Variants in THBS2 observed in about 807,000 individuals in gnomAD.
THBS2 encodes the protein thrombospondin-2.
In THBS2, 47 loss-of-function variants were observed where a neutral mutation model predicts 135.2. The observed-to-expected ratio is 0.35, with a 90% CI of 0.28 to 0.44. THBS2 has a LOEUF of 0.44. Ranked by LOEUF, THBS2 falls within the 20% of genes least tolerant of loss-of-function variation. THBS2 has a pLI of 1.00. For missense variants in THBS2, 1,288 were observed against 1,603.1 expected, an observed-to-expected ratio of 0.80 and a Z score of 3.36; for synonymous variants, 639 against 633.8, an observed-to-expected ratio of 1.01 and a Z score of -0.12.
Position 169,222,430 on chromosome 6 carries a change from A to G in THBS2, c.3040T>C (p.Phe1014Leu). 6.2e-7 allele frequency: 1 copy of G among 1,613,804 alleles called. No homozygotes were observed. Among genetic ancestry groups the G allele is most frequent in the Non-Finnish European group, 8.5e-7 (1 of 1,180,038 alleles). The stretch of plus-strand genomic sequence containing the variant: ...TCGTCCCGGTCAGTGTTTACGTAGA[A>G]TGTGCCACTGAAGTCCACAGACCCA... ...EFGSVDFSGT[F>L]YVNTDRDDDY... The change falls in exon 19 of 22, where the codon TTC (phenylalanine) becomes CTC (leucine). Residue 1014 changes from phenylalanine (F) to leucine (L), a missense_variant. Around this residue, in one of 2 missense-constraint regions of THBS2, gnomAD observed 874 missense variants for 1,156.1 expected, o/e 0.76. Transcript: ENST00000617924.
chr6:169,246,286 A>G lies in THBS2; in HGVS notation c.610-5T>C, dbSNP rs1780553820. 1 of 1,610,896 alleles carries G rather than the reference A, an allele frequency of 6.2e-7. No homozygotes were observed. The highest frequency in any genetic ancestry group is 8.5e-7 in the Non-Finnish European group (1 of 1,177,358). ...GTGGACGTTCTGAAGCAAACCCTGT[A>G]AGTATACACAAGCAGAAAAATAGAG... On this transcript the variant is annotated splice_polypyrimidine_tract_variant and splice_region_variant and intron_variant, in intron 3 of 21. Coordinates refer to ENST00000617924, the MANE Select transcript of THBS2 (RefSeq NM_003247.5).
At chr6:169,217,854 T>TAAAC in intron 21 of THBS2, 25 bp from the exon 22 acceptor site, 1 of 1,604,114 alleles carries the variant, frequency 6.2e-7, no homozygotes, top group South Asian at 1.1e-5. Context: ...AAAAAAGCAA[T>TAAAC]AAACAATTAG....
Position 169,252,858 on chromosome 6 carries a change from C to G in THBS2, c.-23+866G>C, listed in dbSNP as rs1012491789. ...GAATTTGCAAAGGTCTTTTAAAACTCTTTTCGTATGAACAATCAAAGTAAA... is the reference window on the plus strand; with the variant it reads ...GAATTTGCAAAGGTCTTTTAAAACTGTTTTCGTATGAACAATCAAAGTAAA... On this transcript the variant is annotated intron_variant, in intron 1 of 21. Transcript: ENST00000617924. This position sits in a 1 kb window ranked among gnomAD's most constrained non-coding sequence, Gnocchi z 4.3. 1.1e-4 allele frequency among the ~76,000 whole-genome samples: 17 copies of G among 152,222 alleles called. No individual in the cohort carries two copies. Among genetic ancestry groups the G allele is most frequent in the Non-Finnish European group, 2.1e-4 (14 of 68,044 alleles).
At chr6:169,228,341 T>G (rs535176274) in intron 14 of THBS2, 60 bp from the exon 15 acceptor site, 1 of 1,584,330 alleles carries the variant, frequency 6.3e-7, no homozygotes, top group East Asian at 2.3e-5. Flanking sequence ...GTCGGGCCGT[T>G]TAGCACTTAT....
chr6:169,245,131 G>A (rs774589885), intron 4 of THBS2, among the ~76,000 whole-genome samples: 8 of 152,328 alleles, frequency 5.3e-5, no homozygotes, highest in East Asian at 1.9e-4. Context: ...CGGCCACACC[G>A]TGTGGCAGAC....
chr6:169,218,623 A>G (rs1258589525), intron 21 of THBS2, among the ~76,000 whole-genome samples: 2 of 124,894 alleles, frequency 1.6e-5, no homozygotes, highest in African/African-American at 3.1e-5. Context: ...GGATGAATGG[A>G]TGGATGGATG....
intron 13 of THBS2, among the ~76,000 whole-genome samples, chr6:169,230,700 T>A (rs959653116): frequency 6.6e-6 from 1 of 152,210 alleles, no homozygotes; most frequent in African/African-American, 2.4e-5. Flanking sequence ...ATGGAAAGAA[T>A]AATCGGGATA....
chr6:169,237,359 G>A lies in THBS2; in HGVS notation c.1301-13C>T. ...CCGTCCTGCCGGACTAACACAAGAAGCGGAGAGAGATCAGGCTGTGCCGCC... is the reference window on the plus strand; with the variant it reads ...CCGTCCTGCCGGACTAACACAAGAAACGGAGAGAGATCAGGCTGTGCCGCC... On this transcript the variant is annotated splice_polypyrimidine_tract_variant and intron_variant, in intron 8 of 21. Coordinates refer to ENST00000617924, the MANE Select transcript of THBS2 (RefSeq NM_003247.5). 2 of 1,613,020 alleles carry A rather than the reference G, an allele frequency of 1.2e-6. No homozygotes were observed. The highest frequency in any genetic ancestry group is 1.7e-6 in the Non-Finnish European group (2 of 1,180,008).
At chr6:169,245,955 T>G in intron 4 of THBS2, 1 of 366,654 alleles carries the variant, frequency 2.7e-6, no homozygotes, top group Non-Finnish European at 5.0e-6. Flanking sequence ...TATAATAAAA[T>G]TATTTGGATG....
chr6:169,250,944 A>C, intron 1 of THBS2, 138 bp from the exon 2 acceptor site: 1 of 514,832 alleles, frequency 1.9e-6, no homozygotes, highest in Non-Finnish European at 3.4e-6. Flanking sequence ...ATTTGTGGCA[A>C]ACTGAGAGCG....
At chr6:169,242,651 A>ACTG (rs1780364772) in intron 4 of THBS2, among the ~76,000 whole-genome samples, 6 of 7,232 alleles carry the variant, frequency 8.3e-4, no homozygotes, top group African/African-American at 1.7e-3. Context: ...CCTTCCCACC[A>ACTG]CTCCCACCTT....
At chr6:169,246,084 C>G in intron 4 of THBS2, 113 bp downstream of exon 4, 1 of 815,652 alleles carries the variant, frequency 1.2e-6, no homozygotes. Flanking sequence ...AATATTTTTA[C>G]TTAAATTTTT....
In THBS2 at chr6:169,248,407, C is replaced by G; in HGVS notation, c.609+10G>C. The stretch of plus-strand genomic sequence containing the variant: ...CTCCCTCACGGCGGCCACCTCCCTG[C>G]AGAGCGTACCCTGAAGTGACTCTCT... On this transcript the variant is annotated intron_variant, in intron 3 of 21. Transcript: ENST00000617924. 1 of 1,592,436 alleles carries G rather than the reference C, an allele frequency of 6.3e-7. No individual in the cohort carries two copies. The highest frequency in any genetic ancestry group is 8.6e-7 in the Non-Finnish European group (1 of 1,164,946).
chr6:169,253,373 C>A (rs1780815491), intron 1 of THBS2, among the ~76,000 whole-genome samples: 1 of 152,162 alleles, frequency 6.6e-6, no homozygotes, highest in Non-Finnish European at 1.5e-5. Context: ...CATGTGGAAT[C>A]TTCTTCTTCG....
In THBS2 at chr6:169,229,237, C is replaced by T. The variant is rs546136123; in HGVS notation, c.2259+335G>A. On this transcript the variant is annotated intron_variant, in intron 14 of 21. Coordinates refer to ENST00000617924, the MANE Select transcript of THBS2 (RefSeq NM_003247.5). ...AAAATGGTAATATTTTAAATGTTGCCATAAAGGCAAGTCTATCACTCATGG... is the reference window on the plus strand; with the variant it reads ...AAAATGGTAATATTTTAAATGTTGCTATAAAGGCAAGTCTATCACTCATGG... Among the ~76,000 whole-genome samples, 212 of 152,290 alleles carry T rather than the reference C, an allele frequency of 1.4e-3. 2 individuals carry two copies. Among genetic ancestry groups the T allele is most frequent in the Admixed American group, 2.4e-3 (36 of 15,294 alleles).
At chr6:169,226,812 C>T (rs1179151673) in intron 15 of THBS2, among the ~76,000 whole-genome samples, 1 of 152,210 alleles carries the variant, frequency 6.6e-6, no homozygotes, top group Non-Finnish European at 1.5e-5. Context: ...CTAAACAATA[C>T]CATCAGTGAC....
At chr6:169,233,369 G>T (rs1342551037) in intron 10 of THBS2, among the ~76,000 whole-genome samples, 1 of 150,318 alleles carries the variant, frequency 6.7e-6, no homozygotes, top group Non-Finnish European at 1.5e-5. Context: ...CTACCTACGC[G>T]CCACGTTCCG....
At chr6:169,218,110 G>A (rs1005938818) in intron 21 of THBS2, among the ~76,000 whole-genome samples, 1 of 135,930 alleles carries the variant, frequency 7.4e-6, no homozygotes, top group Non-Finnish European at 1.6e-5. Flanking sequence ...ATGGATGGGT[G>A]GATGGATGGG....
Position 169,216,141 on chromosome 6 carries a change from CA to C in THBS2, c.*1680del, listed in dbSNP as rs891732134. ...GGTCTCGGGAATACAGCTCCACACGCAAAAAAGTAAAAAGTGCAGCAAAACA... is the reference window on the plus strand; with the variant it reads ...GGTCTCGGGAATACAGCTCCACACGCAAAAAGTAAAAAGTGCAGCAAAACA... On this transcript the variant is annotated 3_prime_UTR_variant, in exon 22 of 22. Transcript: ENST00000617924. The C allele has an allele frequency of 6.7e-6, 1 of 149,758 alleles. No individual in the cohort carries two copies. The highest frequency in any genetic ancestry group is 2.5e-5 in the African/African-American group (1 of 40,298). The allele number at this position is 149,758 out of a possible 1,614,324, so 9.3% of individuals were successfully genotyped here.
Sources: gnomAD v4.1 joint callset for allele counts (sites outside exome capture counted in the v4.1 genomes callset) on GRCh38, gnomAD v4.1.1 for gene constraint, gnomAD v4.1.1 regional missense constraint, Gnocchi (gnomAD v3.1) non-coding constraint, MANE v1.5 for transcripts, NCBI Gene and HGNC (gene_info 2026-07-23, HGNC 2026-07-21) for gene names.